Variants in GRSF1 observed in about 807,000 individuals in gnomAD.
GRSF1 encodes G-rich sequence factor 1.
A neutral mutation model predicts 51.1 loss-of-function variants in GRSF1; 50 were observed. That is an observed-to-expected ratio of 0.98 (90% confidence interval 0.78 to 1.24). GRSF1 has a LOEUF of 1.24. GRSF1 is among the 50% of genes most tolerant of loss of function. GRSF1 has a pLI of 0.00. For missense variants in GRSF1, 700 were observed against 639.7 expected (o/e 1.09, Z -1.02); for synonymous variants, 293 against 253.3 (o/e 1.16, Z -1.49).
chr4:70,834,869 C>G (rs147453670), intron 2 of GRSF1, among the ~76,000 whole-genome samples: 1 of 151,914 alleles, frequency 6.6e-6, no homozygotes, highest in Non-Finnish European at 1.5e-5. Context: ...GTGATCCGCC[C>G]GCCTCGGCCT....
chr4:70,822,723 G>T (rs1405109415), intron 9 of GRSF1, among the ~76,000 whole-genome samples: 1 of 152,054 alleles, frequency 6.6e-6, no homozygotes, highest in Non-Finnish European at 1.5e-5. Context: ...CTATTTTTTG[G>T]CAAACAGCAT....
At chr4:70,831,726 AT>A (rs1733977334) in intron 4 of GRSF1, 52 bp from the exon 5 acceptor site, 1 of 1,485,324 alleles carries the variant, frequency 6.7e-7, no homozygotes, top group Non-Finnish European at 9.2e-7. Context: ...TATCCTTAGA[AT>A]TAACACCATC....
At chr4:70,839,954 G>C, upstream of GRSF1, 5 of 785,874 alleles carry the variant, frequency 6.4e-6, no homozygotes, top group South Asian at 8.3e-5. Context: ...CTGGGTGGGG[G>C]GCCTCCGAGA....
intron 2 of GRSF1, among the ~76,000 whole-genome samples, chr4:70,835,441 A>C (rs1439625739): frequency 1.3e-5 from 2 of 148,260 alleles, no homozygotes; most frequent in East Asian, 4.1e-4. Context: ...AAAAAAAAAA[A>C]CCTACATAGT....
At chr4:70,838,893 G>A (rs543918855) in intron 1 of GRSF1, 4 of 333,090 alleles carry the variant, frequency 1.2e-5, no homozygotes, top group South Asian at 4.9e-5. Flanking sequence ...GAGTTGCAGA[G>A]GTGACCTTCA....
chr4:70,839,959 C>G, upstream of GRSF1: 1 of 742,480 alleles, frequency 1.3e-6, no homozygotes, highest in South Asian at 2.1e-5. Flanking sequence ...TGGGGGGCCT[C>G]CGAGAGTCGG....
chr4:70,842,897 G>T (rs572537718), upstream of GRSF1, among the ~76,000 whole-genome samples: 1 of 151,978 alleles, frequency 6.6e-6, no homozygotes, highest in South Asian at 2.1e-4. Context: ...TTAGCTGGGC[G>T]TGGTGACACC....
rs1309432892 is a variant in GRSF1 at position 70,818,890 on chromosome 4, C to A, written c.*1997G>T. The A allele has an allele frequency of 6.6e-6, 1 of 152,120 alleles. No homozygotes were observed. The highest frequency in any genetic ancestry group is 2.4e-5 in the African/African-American group (1 of 41,444). The allele number at this position is 152,120 out of a possible 1,614,324, so 9.4% of individuals were successfully genotyped here. On this transcript the variant is annotated 3_prime_UTR_variant, in exon 10 of 10. Coordinates refer to ENST00000254799, the MANE Select transcript of GRSF1 (RefSeq NM_002092.4). ...CTTCTCAAATGTGGGGAGACGGTAC[C>A]GTCTTCCACTTGCATGGAAATAAGA...
chr4:70,817,217 T>C lies in GRSF1; in HGVS notation c.*3670A>G, dbSNP rs1264193208. 1 of 128,908 alleles carries C rather than the reference T, an allele frequency of 7.8e-6. No individual in the cohort carries two copies. The allele number at this position is 128,908 out of a possible 1,614,324, so 8.0% of individuals were successfully genotyped here. ...ATAAACAACTTTAAAATGAGCCTGC[T>C]TTTTTTTTTTCTGAGACAGGGTCTC... On this transcript the variant is annotated 3_prime_UTR_variant, in exon 10 of 10. Coordinates refer to ENST00000254799, the MANE Select transcript of GRSF1 (RefSeq NM_002092.4).
intron 9 of GRSF1, among the ~76,000 whole-genome samples, chr4:70,823,811 A>C (rs1733619349): frequency 6.6e-6 from 1 of 152,080 alleles, no homozygotes; most frequent in African/African-American, 2.4e-5. Context: ...TTGAAGCTGC[A>C]GTGAGCTATG....
At chr4:70,830,371 G>A (rs1237138714) in intron 5 of GRSF1, among the ~76,000 whole-genome samples, 1 of 151,530 alleles carries the variant, frequency 6.6e-6, no homozygotes, top group East Asian at 1.9e-4. Context: ...CTTGAGCCCA[G>A]GAATTCAAGG....
At chr4:70,826,018 C>T (rs530307637) in intron 7 of GRSF1, 106 bp downstream of exon 7, 41 of 932,300 alleles carry the variant, frequency 4.4e-5, no homozygotes, top group South Asian at 2.8e-4. Flanking sequence ...TACTATCCAA[C>T]GCAGAAACAC....
intron 5 of GRSF1, among the ~76,000 whole-genome samples, chr4:70,830,936 AT>A (rs1553928380): frequency 6.6e-6 from 1 of 152,286 alleles, no homozygotes; most frequent in African/African-American, 2.4e-5. Flanking sequence ...ATGTAAAAAA[AT>A]TTTTTTAAAA....
rs916034729 is a variant in GRSF1 at position 70,819,986 on chromosome 4, TA to T, written c.*900del. On this transcript the variant is annotated 3_prime_UTR_variant, in exon 10 of 10. Coordinates refer to ENST00000254799, the MANE Select transcript of GRSF1 (RefSeq NM_002092.4). Reference sequence around the variant, plus strand: ...ACTTGTTCTAAAATATGGGATGTACTACTCCATTTAAAAAGCAAATGAGGAG... The same window carrying T: ...ACTTGTTCTAAAATATGGGATGTACTCTCCATTTAAAAAGCAAATGAGGAG... 1 of 152,660 alleles carries T rather than the reference TA, an allele frequency of 6.6e-6. No homozygotes were observed. Among genetic ancestry groups the T allele is most frequent in the African/African-American group, 2.4e-5 (1 of 41,468 alleles). 9.5% of individuals were successfully genotyped at this position (152,660 alleles called of 1,614,324 possible). A position where few individuals can be genotyped will look rare whatever the true frequency, so the allele number is the denominator to read the frequency against.
At chr4:70,831,910 GTT>G (rs5859242) in intron 4 of GRSF1, among the ~76,000 whole-genome samples, 561 of 129,628 alleles carry the variant, frequency 4.3e-3, no homozygotes, top group Middle Eastern at 0.028. Context: ...CTCCCCACCA[GTT>G]TTTTTTTTTT....
At chr4:70,822,694 T>G (rs1266838994) in intron 9 of GRSF1, among the ~76,000 whole-genome samples, 1 of 152,090 alleles carries the variant, frequency 6.6e-6, no homozygotes, top group Non-Finnish European at 1.5e-5. Context: ...CTATTACGAT[T>G]TATAGCTACT....
chr4:70,821,150 G>T (rs1483287477), intron 9 of GRSF1, among the ~76,000 whole-genome samples: 1 of 152,204 alleles, frequency 6.6e-6, no homozygotes, highest in Non-Finnish European at 1.5e-5. Flanking sequence ...GAAGAGGCCA[G>T]GCACGGTGGC....
Position 70,827,983 on chromosome 4 carries a change from G to T in GRSF1, c.1004C>A (p.Ser335Tyr). 1 of 1,613,398 alleles carries T rather than the reference G, an allele frequency of 6.2e-7. No homozygotes were observed. Among genetic ancestry groups the T allele is most frequent in the Non-Finnish European group, 8.5e-7 (1 of 1,179,474 alleles). ...AGATGCGATTTTCTTTCCCTTATAA[G>T]AACCGACATGTGTTCGAACTTCATT... ...RRNEVRTHVGSYKGKKIASFP... is the reference protein window; with the variant it reads ...RRNEVRTHVGYYKGKKIASFP... The change falls in exon 6 of 10, where the codon TCT becomes TAT. Residue 335 changes from serine to tyrosine, a missense_variant. By Grantham distance (144) the Ser-to-Tyr change is moderately radical. Transcript: ENST00000254799.
intron 2 of GRSF1, 59 bp downstream of exon 2, chr4:70,836,099 G>T: frequency 1.0e-6 from 1 of 999,072 alleles, no homozygotes; most frequent in Non-Finnish European, 1.4e-6. Flanking sequence ...ATACATACCT[G>T]CTTGTGAGAA....
Sources: allele counts gnomAD v4.1 joint callset (sites outside exome capture counted in the v4.1 genomes callset), GRCh38; gene constraint gnomAD v4.1.1; transcripts MANE v1.5; gene names NCBI Gene and HGNC (gene_info 2026-07-23, HGNC 2026-07-21).